Variants in MDM2 observed in about 807,000 individuals in gnomAD.
MDM2 encodes the protein MDM2 proto-oncogene.
A neutral mutation model predicts 64.3 loss-of-function variants in MDM2; 11 were observed. The ratio of observed to expected loss-of-function variants is 0.17; its 90% confidence interval spans 0.11 to 0.28. The LOEUF (loss-of-function observed/expected upper bound fraction) is 0.28. Ranked by LOEUF, MDM2 falls within the 10% of genes least tolerant of loss-of-function variation. The pLI is 1.00. For missense variants in MDM2, 388 were observed against 577.1 expected, an observed-to-expected ratio of 0.67 and a Z score of 3.36; for synonymous variants, 194 against 192.9, an observed-to-expected ratio of 1.01 and a Z score of -0.05.
downstream of MDM2, chr12:68,847,336 A>G (rs1447215539): frequency 6.7e-6 from 1 of 148,578 alleles, no homozygotes; most frequent in Non-Finnish European, 1.5e-5. Flanking sequence ...GAGCCACTGC[A>G]TCTGGTGAAT....
In MDM2 at chr12:68,816,849, G is replaced by T; in HGVS notation, c.212G>T (p.Arg71Leu). 1 of 1,608,414 alleles carries T rather than the reference G, an allele frequency of 6.2e-7. No individual in the cohort carries two copies. Among genetic ancestry groups the T allele is most frequent in the South Asian group, 1.1e-5 (1 of 89,512 alleles). The change falls in exon 4 of 11, where the codon CGA (arginine) becomes CTA (leucine). Residue 71 changes from arginine (R) to leucine (L), a missense_variant. Physicochemically the swap from Arg to Leu is moderately radical, Grantham distance 102. This residue lies in a region of MDM2 where 24 missense variants were observed against 87.8 expected (regional missense o/e 0.27). Transcript: ENST00000258149. Reference sequence around the variant, plus strand: ...CTTGGCCAGTATATTATGACTAAACGATTATATGATGAGAAGCAACAACAT... The same window carrying T: ...CTTGGCCAGTATATTATGACTAAACTATTATATGATGAGAAGCAACAACAT... ...FYLGQYIMTK[R>L]LYDEKQQHIV...
intron 3 of MDM2, chr12:68,815,552 C>G (rs1345418368): frequency 2.0e-5 from 5 of 252,706 alleles, no homozygotes; most frequent in Non-Finnish European, 3.3e-5. Context: ...GGTGATCCTC[C>G]CACCTCAGTG....
chr12:68,814,412 A>G (rs542033527), intron 3 of MDM2, among the ~76,000 whole-genome samples: 34 of 152,348 alleles, frequency 2.2e-4, no homozygotes, highest in Non-Finnish European at 4.7e-4. Flanking sequence ...TGTTTGCCAT[A>G]AGTACAGTAT....
At chr12:68,808,986 T>C (rs934062176) in intron 1 of MDM2, 39 of 1,432,024 alleles carry the variant, frequency 2.7e-5, no homozygotes, top group Non-Finnish European at 3.2e-5. Context: ...TGTCTCCAGC[T>C]GGGGCTATTT....
chr12:68,842,224 A>G lies in MDM2; in HGVS notation c.*2375A>G, dbSNP rs1368110603. 3 of 498,936 alleles carry G rather than the reference A, an allele frequency of 6.0e-6. No homozygotes were observed. Among genetic ancestry groups the G allele is most frequent in the South Asian group, 4.6e-5 (3 of 64,912 alleles). 30.9% of individuals were successfully genotyped at this position (498,936 alleles called of 1,614,324 possible). ...GAAAAGATCAAACAAATGCCAAGCTATATTTATAATGAACAAATTCAAGAA... is the reference window on the plus strand; with the variant it reads ...GAAAAGATCAAACAAATGCCAAGCTGTATTTATAATGAACAAATTCAAGAA... On this transcript the variant is annotated 3_prime_UTR_variant, in exon 11 of 11. Transcript: ENST00000258149.
intron 7 of MDM2, among the ~76,000 whole-genome samples, chr12:68,825,203 C>A (rs1203911678): frequency 6.6e-6 from 1 of 151,974 alleles, no homozygotes. Context: ...TGTGAGACTT[C>A]GTCTAAAAAG....
downstream of MDM2, chr12:68,849,470 C>G (rs1220012862): frequency 6.6e-6 from 1 of 151,150 alleles, no homozygotes; most frequent in Non-Finnish European, 1.5e-5. Context: ...AGTGCAGTGG[C>G]ACTATCTCAG....
chr12:68,833,247 T>TTA (rs201342956), intron 8 of MDM2, among the ~76,000 whole-genome samples: 1 of 73,010 alleles, frequency 1.4e-5, no homozygotes, highest in African/African-American at 5.3e-5. Flanking sequence ...TATTACATTG[T>TTA]TATATATATT....
rs368259878 is a variant in MDM2 at position 68,828,963 on chromosome 12, C to T, written c.684+32C>T. 14 of 1,607,896 alleles carry T rather than the reference C, an allele frequency of 8.7e-6. No homozygotes were observed. In the African/African-American group the frequency reaches 1.6e-4, roughly 18 times the overall value. On this transcript the variant is annotated intron_variant, in intron 8 of 10. Coordinates refer to ENST00000258149, the MANE Select transcript of MDM2 (RefSeq NM_002392.6). ...TTCTCATTTTAAGTAAGGCAAGACTCTTACTGTTCAAAGTCTAGTCCTGGC... is the reference window on the plus strand; with the variant it reads ...TTCTCATTTTAAGTAAGGCAAGACTTTTACTGTTCAAAGTCTAGTCCTGGC...
intron 3 of MDM2, among the ~76,000 whole-genome samples, chr12:68,815,091 T>G (rs2136117266): frequency 6.6e-6 from 1 of 152,352 alleles, no homozygotes; most frequent in Non-Finnish European, 1.5e-5. Context: ...CGATGCCTGC[T>G]TAGCCAGTTA....
rs538730784 is a variant in MDM2, at chr12:68,824,675, G to A, written c.523+24G>A. 19 of 1,376,312 alleles carry A rather than the reference G, an allele frequency of 1.4e-5. No individual in the cohort carries two copies. The South Asian group carries it at 1.5e-4, about 11-fold the overall frequency. The allele number at this position is 1,376,312 out of a possible 1,614,324, so 85.3% of individuals were successfully genotyped here. ...AGGTATATATGAATATTTATTTGAC[G>A]CATTCACACAGCTTTTTGATATTCT... On this transcript the variant is annotated intron_variant, in intron 7 of 10. Coordinates refer to ENST00000258149, the MANE Select transcript of MDM2 (RefSeq NM_002392.6).
At chr12:68,838,880 T>A (rs1023440028) in intron 10 of MDM2, among the ~76,000 whole-genome samples, 1 of 150,686 alleles carries the variant, frequency 6.6e-6, no homozygotes, top group Non-Finnish European at 1.5e-5. Flanking sequence ...GTACTTACTC[T>A]ACTTTAGGAG....
intron 2 of MDM2, among the ~76,000 whole-genome samples, chr12:68,810,345 A>G (rs973900730): frequency 6.6e-6 from 1 of 151,812 alleles, no homozygotes; most frequent in Non-Finnish European, 1.5e-5. Flanking sequence ...GATTTTAGAG[A>G]ATTAGAACTC....
chr12:68,825,449 C>T (rs1241336185), intron 7 of MDM2, among the ~76,000 whole-genome samples: 2 of 151,972 alleles, frequency 1.3e-5, no homozygotes, highest in Admixed American at 1.3e-4. Context: ...GTCAGGAGAT[C>T]GAGACCATCC....
intron 2 of MDM2, among the ~76,000 whole-genome samples, chr12:68,812,573 G>A (rs1163179415): frequency 6.6e-6 from 1 of 152,210 alleles, no homozygotes; most frequent in African/African-American, 2.4e-5. Flanking sequence ...GCAAATGTTA[G>A]CCTGTCAGCC....
chr12:68,809,745 T>C (rs913993969), intron 2 of MDM2, among the ~76,000 whole-genome samples: 1 of 152,218 alleles, frequency 6.6e-6, no homozygotes, highest in Non-Finnish European at 1.5e-5. Flanking sequence ...CCACATATAT[T>C]TACATTTGAA....
At position 68,840,014 on chromosome 12, in the gene MDM2, TTAC is replaced by T. The variant is rs1233193300; in HGVS notation, c.*168_*170del. On this transcript the variant is annotated 3_prime_UTR_variant, in exon 11 of 11. Coordinates refer to ENST00000258149, the MANE Select transcript of MDM2 (RefSeq NM_002392.6). ...ACTTTGGTAGTGGAATAGTGAATAC[TTAC>T]TATAATTTGACTTGAATATGTAGCT... 7 of 596,094 alleles carry T rather than the reference TTAC, an allele frequency of 1.2e-5. No homozygotes were observed. The highest frequency in any genetic ancestry group is 2.0e-5 in the Non-Finnish European group (7 of 352,726). 36.9% of individuals were successfully genotyped at this position (596,094 alleles called of 1,614,324 possible). A position where few individuals can be genotyped will look rare whatever the true frequency, so the allele number is the denominator to read the frequency against.
rs1469966788 is a variant in MDM2, at chr12:68,832,833, A to T, written c.685-2996A>T. Among the ~76,000 whole-genome samples, 5 of 151,802 alleles carry T rather than the reference A, an allele frequency of 3.3e-5. No individual in the cohort carries two copies. In the East Asian group the frequency reaches 9.7e-4, roughly 29 times the overall value. On this transcript the variant is annotated intron_variant, in intron 8 of 10. Transcript: ENST00000258149. ...ACCTCCAGCCTGATGCTTTTTAAAT[A>T]TATAGTATTTAGGTCTGGTGCAGTG...
chr12:68,831,454 C>G (rs1180872561), intron 8 of MDM2, among the ~76,000 whole-genome samples: 1 of 152,108 alleles, frequency 6.6e-6, no homozygotes, highest in African/African-American at 2.4e-5. Context: ...TGCAGGATGC[C>G]ATGACATTTT....
Sources: gnomAD v4.1 joint callset for allele counts (sites outside exome capture counted in the v4.1 genomes callset) on GRCh38, gnomAD v4.1.1 for gene constraint, gnomAD v4.1.1 regional missense constraint, MANE v1.5 for transcripts, NCBI Gene and HGNC (gene_info 2026-07-23, HGNC 2026-07-21) for gene names.